The following BCAS3 variants were observed in gnomAD, a reference collection of about 807,000 sequenced individuals.
BCAS3 encodes the protein BCAS3 microtubule associated cell migration factor.
In BCAS3, 53 loss-of-function variants were observed where a neutral mutation model predicts 116.1. The ratio of observed to expected loss-of-function variants is 0.46; its 90% CI spans 0.37 to 0.57. BCAS3 has a LOEUF of 0.57. Ranked by LOEUF, BCAS3 falls within the 20% of genes least tolerant of loss-of-function variation. BCAS3 has a pLI of 0.00. For missense variants in BCAS3, 917 were observed against 1,165.4 expected, an observed-to-expected ratio of 0.79 and a Z score of 3.10; for synonymous variants, 391 against 408.2, an observed-to-expected ratio of 0.96 and a Z score of 0.51.
intron 22 of BCAS3, among the ~76,000 whole-genome samples, chr17:61,108,112 G>A (rs1465245427): frequency 1.3e-5 from 2 of 152,096 alleles, no homozygotes; most frequent in Admixed American, 1.3e-4. Flanking sequence ...TTTAGTGCAT[G>A]CGCATCTCGG....
chr17:60,738,857 T>C (rs1306152779), intron 5 of BCAS3, among the ~76,000 whole-genome samples: 1 of 152,084 alleles, frequency 6.6e-6, no homozygotes, highest in Non-Finnish European at 1.5e-5. Context: ...CTGGGCTTAA[T>C]TGATCCTCCT....
chr17:61,341,313 A>C (rs550231231), intron 22 of BCAS3, among the ~76,000 whole-genome samples: 1 of 152,328 alleles, frequency 6.6e-6, no homozygotes, highest in East Asian at 1.9e-4. Context: ...TGAGAGAGAG[A>C]AGTCAGCCAC....
At chr17:60,684,124 A>C in intron 3 of BCAS3, 88 bp downstream of exon 3, 1 of 1,248,656 alleles carries the variant, frequency 8.0e-7, no homozygotes. Context: ...TAGTACCAGC[A>C]ACTTCCAAAA....
chr17:60,945,694 G>A, intron 13 of BCAS3, among the ~76,000 whole-genome samples: 1 of 151,964 alleles, frequency 6.6e-6, no homozygotes, highest in Non-Finnish European at 1.5e-5. Flanking sequence ...CCAGCTACTT[G>A]GGAGATTGAG....
rs1481734817 is a variant in BCAS3, at chr17:61,021,605, C to A, written c.1637+5704C>A. ...ATCCTTATCATGTATGAGTTTCTAC[C>A]AGTTCTTTGGTCCCATTTCTAAGCC... On this transcript the variant is annotated intron_variant, in intron 16 of 23. Coordinates refer to ENST00000407086, the MANE Select transcript of BCAS3 (RefSeq NM_017679.5). The surrounding 1 kb of genome is among the most constrained non-coding windows in gnomAD (Gnocchi z 4.6). Among the ~76,000 whole-genome samples the A allele has an allele frequency of 1.3e-5, 2 of 151,984 alleles. No homozygotes were observed. Among genetic ancestry groups the A allele is most frequent in the Non-Finnish European group, 2.9e-5 (2 of 68,008 alleles).
At chr17:60,709,616 T>G in intron 5 of BCAS3, 1 of 295,916 alleles carries the variant, frequency 3.4e-6, no homozygotes, top group Non-Finnish European at 6.4e-6. Context: ...CTCAAACTCC[T>G]GACCTCAGGT....
intron 22 of BCAS3, among the ~76,000 whole-genome samples, chr17:61,246,471 GAAAAAAAAAAAAA>G (rs1007852809): frequency 1.0e-3 from 34 of 33,476 alleles, no homozygotes; most frequent in African/African-American, 2.9e-3. Flanking sequence ...GACTGTCTCA[GAAAAAAAAAAAAA>G]AAAAAAAAAA....
Position 60,924,451 on chromosome 17 carries a change from C to T in BCAS3, c.1038C>T (p.His346=), listed in dbSNP as rs1244660990. 1 of 1,612,544 alleles carries T rather than the reference C, an allele frequency of 6.2e-7. No individual in the cohort carries two copies. The highest frequency in any genetic ancestry group is 1.1e-5 in the South Asian group (1 of 91,034). ...EDSDSDGIVA[H]FPAHEKPVCC... ...CTGACAGTGATGGCATTGTGGCCCA[C>T]TTCCCTGCCCATGAGAAGCCAGTGT... The change falls in exon 13 of 24, where the codon CAC becomes CAT. Residue 346 remains histidine (H), a synonymous_variant. Transcript: ENST00000407086.
chr17:61,306,718 G>A (rs562958457), intron 22 of BCAS3, among the ~76,000 whole-genome samples: 1 of 152,158 alleles, frequency 6.6e-6, no homozygotes, highest in African/African-American at 2.4e-5. Flanking sequence ...CAAGGCTGCG[G>A]TGAGCTGTGT....
At chr17:60,899,240 C>G (rs1192098308) in intron 10 of BCAS3, among the ~76,000 whole-genome samples, 1 of 152,000 alleles carries the variant, frequency 6.6e-6, no homozygotes, top group Non-Finnish European at 1.5e-5. Context: ...TTTCACACCC[C>G]AGTCCCAGTG....
rs144085780 is a variant in BCAS3 at position 61,088,325 on chromosome 17, G to T, written c.2425+3761G>T. Reference sequence around the variant, plus strand: ...TATAGGATTTTAACCTAAGACACAGGCTACCCAGAACAAATGGGATTTGGG... The same window carrying T: ...TATAGGATTTTAACCTAAGACACAGTCTACCCAGAACAAATGGGATTTGGG... On this transcript the variant is annotated intron_variant, in intron 22 of 23. Coordinates refer to ENST00000407086, the MANE Select transcript of BCAS3 (RefSeq NM_017679.5). The surrounding 1 kb of genome is among the most constrained non-coding windows in gnomAD (Gnocchi z 4.2). Among the ~76,000 whole-genome samples, 2 of 152,176 alleles carry T rather than the reference G, an allele frequency of 1.3e-5. No homozygotes were observed. The highest frequency in any genetic ancestry group is 2.9e-5 in the Non-Finnish European group (2 of 68,026).
intron 5 of BCAS3, among the ~76,000 whole-genome samples, chr17:60,712,246 T>G (rs1427569386): frequency 1.3e-5 from 2 of 151,712 alleles, no homozygotes; most frequent in Non-Finnish European, 1.5e-5. Context: ...CGTAGTGGCA[T>G]GCGCCTGTGG....
At chr17:60,707,483 A>G (rs1046537519) in intron 4 of BCAS3, among the ~76,000 whole-genome samples, 6 of 152,186 alleles carry the variant, frequency 3.9e-5, no homozygotes, top group Non-Finnish European at 7.3e-5. Context: ...TTCAAGGGTC[A>G]AGTGTACTTT....
intron 19 of BCAS3, among the ~76,000 whole-genome samples, chr17:61,042,495 A>G (rs1482780245): frequency 6.6e-6 from 1 of 151,960 alleles, no homozygotes; most frequent in East Asian, 1.9e-4. Flanking sequence ...AACAACAAAA[A>G]TCCCCAGGTG....
chr17:60,924,906 T>A (rs1424939897), intron 13 of BCAS3, among the ~76,000 whole-genome samples: 1 of 151,972 alleles, frequency 6.6e-6, no homozygotes, highest in East Asian at 1.9e-4. Context: ...CTCGGTTTTT[T>A]TTTTAGTGGT....
intron 6 of BCAS3, among the ~76,000 whole-genome samples, chr17:60,798,201 A>G (rs547551726): frequency 1.3e-5 from 2 of 152,334 alleles, no homozygotes; most frequent in East Asian, 3.9e-4. Flanking sequence ...TGACATTAGG[A>G]TTCTCTTGGT....
At chr17:61,125,156 TAA>T (rs1262355389) in intron 22 of BCAS3, among the ~76,000 whole-genome samples, 2 of 152,210 alleles carry the variant, frequency 1.3e-5, no homozygotes, top group Non-Finnish European at 2.9e-5. Context: ...GGCAAATACT[TAA>T]AAGTTTTATG....
At chr17:61,389,049 TAC>T (rs1181456315) in intron 23 of BCAS3, 1 of 294,516 alleles carries the variant, frequency 3.4e-6, no homozygotes, top group African/African-American at 2.2e-5. Flanking sequence ...CCACTAGGGA[TAC>T]AGAGTTAAGG....
chr17:60,855,364 G>C (rs1442174644), intron 7 of BCAS3, among the ~76,000 whole-genome samples: 1 of 151,532 alleles, frequency 6.6e-6, no homozygotes, highest in South Asian at 2.1e-4. Context: ...TTGTCCAGGC[G>C]ACTGTTCCAT....
Sources: allele counts gnomAD v4.1 joint callset (sites outside exome capture counted in the v4.1 genomes callset), GRCh38; gene constraint gnomAD v4.1.1; non-coding constraint Gnocchi (gnomAD v3.1); transcripts MANE v1.5; gene names NCBI Gene and HGNC (gene_info 2026-07-23, HGNC 2026-07-21).